Variants in LINC00632 observed in about 807,000 individuals in gnomAD.
LINC00632 encodes ALDOA related specific transcript.
intron 3 of LINC00632, among the ~76,000 whole-genome samples, chrX:140,746,043 T>C (rs1048080493): frequency 1.4e-4 from 16 of 112,152 alleles, no homozygotes; most frequent in Non-Finnish European, 3.0e-4. Flanking sequence ...TATAGCATTC[T>C]AATTTTTTCT....
chrX:140,716,453 C>T (rs960134654), intron 2 of LINC00632, among the ~76,000 whole-genome samples: 14 of 110,614 alleles, frequency 1.3e-4, no homozygotes, highest in African/African-American at 3.9e-4. Flanking sequence ...ATGTATATTA[C>T]AACCATCACT....
exon 5 of LINC00632, chrX:140,784,348 C>G (rs142598055): frequency 8.3e-7 from 1 of 1,210,289 alleles, no homozygotes; most frequent in South Asian, 1.8e-5. Flanking sequence ...AGAAAATCCA[C>G]GTCTTCCAAC....
chrX:140,765,175 G>A (rs1025273457), intron 3 of LINC00632, among the ~76,000 whole-genome samples: 19 of 111,994 alleles, frequency 1.7e-4, no homozygotes, highest in Non-Finnish European at 3.6e-4. Context: ...CAACTCTGAA[G>A]TGATTCCCTC....
chrX:140,727,785 C>T (rs933305339), intron 2 of LINC00632, among the ~76,000 whole-genome samples: 1 of 111,896 alleles, frequency 8.9e-6, no homozygotes, highest in Non-Finnish European at 1.9e-5. Context: ...ATACTCACAC[C>T]AGGACATGCC....
intron 3 of LINC00632, among the ~76,000 whole-genome samples, chrX:140,758,695 T>C (rs982734647): frequency 1.1e-4 from 12 of 111,803 alleles, no homozygotes; most frequent in African/African-American, 3.9e-4. Context: ...ATATTTTCCT[T>C]ATAGGTTTTT....
Position 140,735,477 on chromosome X carries a change from T to C in LINC00632, n.191+1513T>C, listed in dbSNP as rs140689448. On this transcript the variant is annotated intron_variant and non_coding_transcript_variant, in intron 3 of 4. Transcript: ENST00000648200. ...CATTTGAGGCATTATTTAAAATTCA[T>C]TATACACATAAAAGGTTGTGAAAAT... 3.4e-4 allele frequency among the ~76,000 whole-genome samples: 38 copies of C among 112,241 alleles called. No homozygotes were observed. In the East Asian group the frequency reaches 0.01, roughly 30 times the overall value.
At chrX:140,712,850 T>TG (rs1445270872) in intron 2 of LINC00632, among the ~76,000 whole-genome samples, 11 of 70,712 alleles carry the variant, frequency 1.6e-4, no homozygotes, top group African/African-American at 4.3e-4. Flanking sequence ...TTACTGATTC[T>TG]GGGGGGGAAA....
At chrX:140,725,795 T>C (rs910349401) in intron 2 of LINC00632, among the ~76,000 whole-genome samples, 1 of 111,750 alleles carries the variant, frequency 8.9e-6, no homozygotes, top group Non-Finnish European at 1.9e-5. Context: ...CAACCACAGA[T>C]ATGCCCTACC....
chrX:140,734,327 A>T (rs1056977765), intron 3 of LINC00632, among the ~76,000 whole-genome samples: 1 of 111,849 alleles, frequency 8.9e-6, no homozygotes, highest in African/African-American at 3.2e-5. Flanking sequence ...TATTTCCAGC[A>T]TATTATGAAT....
At chrX:140,760,206 C>T (rs1931576299) in intron 3 of LINC00632, among the ~76,000 whole-genome samples, 1 of 111,808 alleles carries the variant, frequency 8.9e-6, no homozygotes, top group Non-Finnish European at 1.9e-5. Context: ...GGTCTAAGCA[C>T]TCATTGAACT....
At chrX:140,711,876 GTA>G (rs1437772772) in intron 2 of LINC00632, 1 of 132,065 alleles carries the variant, frequency 7.6e-6, no homozygotes. Flanking sequence ...GTATTCACCT[GTA>G]TTTTTTTCTA....
intron 3 of LINC00632, among the ~76,000 whole-genome samples, chrX:140,757,558 T>C (rs1431985865): frequency 1.8e-5 from 2 of 111,026 alleles, no homozygotes; most frequent in Non-Finnish European, 3.8e-5. Flanking sequence ...GACTTCTGTT[T>C]GTATAATTCT....
intron 1 of LINC00632, chrX:140,709,912 C>A: frequency 3.6e-6 from 1 of 278,304 alleles, no homozygotes; most frequent in Non-Finnish European, 7.4e-6. Flanking sequence ...GTAGGAATCT[C>A]TGATTCTAAT....
exon 5 of LINC00632, among the ~76,000 whole-genome samples, chrX:140,787,000 T>C (rs751865481): frequency 1.8e-5 from 2 of 111,541 alleles, no homozygotes; most frequent in South Asian, 7.4e-4. Flanking sequence ...ACTGGATGGG[T>C]TGCATTATGT....
intron 3 of LINC00632, among the ~76,000 whole-genome samples, chrX:140,738,606 A>G (rs1250156309): frequency 8.9e-6 from 1 of 112,167 alleles, no homozygotes; most frequent in East Asian, 2.8e-4. Context: ...TGGCTATTTA[A>G]CATTTAAAAT....
intron 2 of LINC00632, among the ~76,000 whole-genome samples, chrX:140,719,301 C>G (rs1930689452): frequency 9.1e-6 from 1 of 110,263 alleles, no homozygotes; most frequent in Admixed American, 9.7e-5. Context: ...AACAGTCACT[C>G]CTTTTTTTTT....
exon 5 of LINC00632, among the ~76,000 whole-genome samples, chrX:140,789,092 C>T (rs1232118656): frequency 1.8e-5 from 2 of 108,627 alleles, no homozygotes; most frequent in East Asian, 5.8e-4. Context: ...TGTTACCTTC[C>T]TCATACTTTT....
At chrX:140,713,918 AAC>A in intron 2 of LINC00632, 5 of 274,618 alleles carry the variant, frequency 1.8e-5, no homozygotes, top group Non-Finnish European at 2.8e-5. Context: ...CATTTTAGGA[AAC>A]ACACAGCATA....
intron 2 of LINC00632, among the ~76,000 whole-genome samples, chrX:140,729,970 G>A (rs941699366): frequency 9.7e-6 from 1 of 102,732 alleles, no homozygotes; most frequent in Non-Finnish European, 2.0e-5. Context: ...TCCGCCTCCC[G>A]GGTTCAAGCG....
Sources: gnomAD v4.1 joint callset for allele counts (sites outside exome capture counted in the v4.1 genomes callset) on GRCh38, gnomAD v4.1.1 for gene constraint, MANE v1.5 for transcripts, NCBI Gene and HGNC (gene_info 2026-07-23, HGNC 2026-07-21) for gene names.